The following CCDC7 variants were observed in gnomAD, a reference collection of about 807,000 sequenced individuals.
CCDC7 encodes the protein coiled-coil domain-containing protein 7.
CCDC7 carries 183 observed loss-of-function variants against 196.9 expected under a neutral mutation model. The ratio of observed to expected loss-of-function variants is 0.93; its 90% CI spans 0.82 to 1.05. The LOEUF (loss-of-function observed/expected upper bound fraction) is 1.05. Among genes scored for constraint, CCDC7 ranks in the 50% least tolerant of loss-of-function variants. The probability of loss-of-function intolerance (pLI) is 0.00; values close to 1 mark genes in which losing one functional copy is unlikely to be tolerated. For missense variants in CCDC7, 1,540 were observed against 1,482.2 expected, an observed-to-expected ratio of 1.04 and a Z score of -0.64; for synonymous variants, 525 against 484.6, an observed-to-expected ratio of 1.08 and a Z score of -1.10.
chr10:32,523,246 G>A (rs1323818998), intron 11 of CCDC7, among the ~76,000 whole-genome samples: 2 of 152,110 alleles, frequency 1.3e-5, no homozygotes, highest in Non-Finnish European at 2.9e-5. Flanking sequence ...TCTTTCCAAT[G>A]CTAAAAGTAG....
chr10:32,756,424 T>C (rs2484728), intron 28 of CCDC7, among the ~76,000 whole-genome samples: 149,958 of 152,364 alleles, frequency 0.98, 73,835 homozygotes, highest in Middle Eastern at 1. Flanking sequence ...AGAAATTCTA[T>C]AAGCCAGAAG....
intron 18 of CCDC7, among the ~76,000 whole-genome samples, chr10:32,600,989 C>T (rs2060937263): frequency 6.6e-6 from 1 of 152,046 alleles, no homozygotes; most frequent in Non-Finnish European, 1.5e-5. Context: ...GTATAGAATT[C>T]TTATTTGATT....
chr10:32,446,103 A>C (rs1352321838), upstream of CCDC7: 1 of 152,046 alleles, frequency 6.6e-6, no homozygotes, highest in Non-Finnish European at 1.5e-5. Context: ...CGGCGGCGCC[A>C]AGGCGTCGTG....
intron 9 of CCDC7, 94 bp from the exon 11 acceptor site, chr10:32,517,851 A>T: frequency 7.0e-7 from 1 of 1,422,130 alleles, no homozygotes; most frequent in Non-Finnish European, 9.5e-7. Flanking sequence ...CTAATTACTG[A>T]ATACCAAAAG....
chr10:32,807,178 G>A (rs954651726), intron 30 of CCDC7, among the ~76,000 whole-genome samples: 3 of 152,190 alleles, frequency 2.0e-5, no homozygotes, highest in South Asian at 2.1e-4. Flanking sequence ...CCCATAAAAC[G>A]AACATAGGTT....
At chr10:32,858,183 C>T (rs903879360) in intron 41 of CCDC7, among the ~76,000 whole-genome samples, 49 of 152,174 alleles carry the variant, frequency 3.2e-4, no homozygotes, top group African/African-American at 1.2e-3. Flanking sequence ...GGCTTCACAG[C>T]TTCACACCTT....
intron 30 of CCDC7, among the ~76,000 whole-genome samples, chr10:32,813,043 C>T (rs1416082734): frequency 6.6e-6 from 1 of 152,036 alleles, no homozygotes; most frequent in Non-Finnish European, 1.5e-5. Context: ...CAGCTGGTGT[C>T]ATAATGCAAC....
At chr10:32,757,452 T>G (rs569925797) in intron 28 of CCDC7, among the ~76,000 whole-genome samples, 1 of 152,282 alleles carries the variant, frequency 6.6e-6, no homozygotes, top group East Asian at 1.9e-4. Flanking sequence ...AGAAACTCAC[T>G]CAAAACCGCC....
At chr10:32,592,536 CA>C (rs1281996316) in intron 18 of CCDC7, among the ~76,000 whole-genome samples, 7 of 150,102 alleles carry the variant, frequency 4.7e-5, no homozygotes, top group African/African-American at 1.7e-4. Context: ...TTTTTGTTTT[CA>C]TTTATCTCAA....
At chr10:32,567,865 A>G in exon 15 of CCDC7, 2 of 1,613,320 alleles carry the variant, frequency 1.2e-6, no homozygotes, top group Non-Finnish European at 1.7e-6. Flanking sequence ...ACAAAGGACA[A>G]GTGATAAAAT....
intron 25 of CCDC7, among the ~76,000 whole-genome samples, chr10:32,717,618 A>G (rs1470113520): frequency 1.5e-5 from 2 of 137,464 alleles, no homozygotes; most frequent in African/African-American, 7.2e-5. Context: ...AACAAAATAG[A>G]TAGACCACGA....
chr10:32,499,570 G>C (rs931656740), intron 9 of CCDC7, among the ~76,000 whole-genome samples: 2 of 151,872 alleles, frequency 1.3e-5, no homozygotes, highest in Non-Finnish European at 2.9e-5. Flanking sequence ...GGGAAAGAGG[G>C]AGCCCTAATG....
At chr10:32,496,564 A>G (rs2042947102) in intron 9 of CCDC7, among the ~76,000 whole-genome samples, 1 of 152,138 alleles carries the variant, frequency 6.6e-6, no homozygotes, top group Non-Finnish European at 1.5e-5. Flanking sequence ...AGATACTTTC[A>G]GTCAATACCT....
At chr10:32,488,396 G>C (rs1407106030) in intron 8 of CCDC7, among the ~76,000 whole-genome samples, 1 of 152,168 alleles carries the variant, frequency 6.6e-6, no homozygotes, top group Non-Finnish European at 1.5e-5. Flanking sequence ...CCCTTTCTTT[G>C]ACTAGGAAAG....
chr10:32,729,316 A>G lies in CCDC7; in HGVS notation c.2780-16A>G. 6.5e-7 allele frequency: 1 copy of G among 1,544,940 alleles called. No homozygotes were observed. The highest frequency in any genetic ancestry group is 8.7e-7 in the Non-Finnish European group (1 of 1,146,762). ...TATCCAGAAGTTCTATTGCACATCT[A>G]TTTTTTTCTATTTAGCGTTTCCTTT... On this transcript the variant is annotated splice_polypyrimidine_tract_variant and intron_variant, in intron 27 of 41. Coordinates refer to ENST00000639629, the Ensembl canonical transcript of CCDC7.
chr10:32,494,975 C>T (rs1358556168), intron 9 of CCDC7, among the ~76,000 whole-genome samples: 1 of 152,198 alleles, frequency 6.6e-6, no homozygotes, highest in Non-Finnish European at 1.5e-5. Context: ...ACCACACTGT[C>T]TTCCACAATG....
intron 20 of CCDC7, among the ~76,000 whole-genome samples, chr10:32,642,144 C>G (rs956428377): frequency 1.3e-5 from 2 of 152,194 alleles, no homozygotes; most frequent in South Asian, 2.1e-4. Flanking sequence ...ATCTCAAACT[C>G]CATGCTGGGA....
rs1023260453 is a variant in CCDC7 at position 32,487,960 on chromosome 10, C to A, written c.797-3962C>A. Among the ~76,000 whole-genome samples, 3 of 152,328 alleles carry A rather than the reference C, an allele frequency of 2.0e-5. No homozygotes were observed. In the South Asian group the frequency reaches 6.2e-4, roughly 32 times the overall value. On this transcript the variant is annotated intron_variant, in intron 8 of 41. Transcript: ENST00000639629. ...GACCCACTTGAGGAGGCAGTCTGTC[C>A]GTTCTCAGATCTCCAGCTGCGTGCT...
chr10:32,668,673 T>G (rs1248719810), intron 21 of CCDC7, among the ~76,000 whole-genome samples: 1 of 152,154 alleles, frequency 6.6e-6, no homozygotes, highest in East Asian at 1.9e-4. Context: ...TGGATTACAT[T>G]TATTGATTTG....
Sources: allele counts gnomAD v4.1 joint callset (sites outside exome capture counted in the v4.1 genomes callset), GRCh38; gene constraint gnomAD v4.1.1; transcripts MANE v1.5; gene names NCBI Gene and HGNC (gene_info 2026-07-23, HGNC 2026-07-21).